The following RBFOX1 variants were observed in gnomAD, a reference collection of about 807,000 sequenced individuals.
The protein encoded by RBFOX1 is RNA binding fox-1 homolog 1.
In RBFOX1, 8 loss-of-function variants were observed where a neutral mutation model predicts 57.7. The observed-to-expected ratio is 0.14, with a 90% CI of 0.08 to 0.25. The LOEUF is 0.25. Among genes scored for constraint, RBFOX1 ranks in the 10% least tolerant of loss-of-function variants. The pLI, the probability that RBFOX1 is intolerant of heterozygous loss-of-function variation, is 1.00. For missense variants in RBFOX1, 611 were observed against 548.5 expected (o/e 1.11, Z -1.14); for synonymous variants, 326 against 222.4 (o/e 1.47, Z -4.15).
intron 4 of RBFOX1, among the ~76,000 whole-genome samples, chr16:7,136,742 T>C (rs1390794034): frequency 6.6e-6 from 1 of 152,172 alleles, no homozygotes; most frequent in Non-Finnish European, 1.5e-5. Context: ...TATCGGATAG[T>C]GCTAGGCCAG....
chr16:5,393,051 A>G (rs1019581952), intron 1 of RBFOX1, among the ~76,000 whole-genome samples: 2 of 152,164 alleles, frequency 1.3e-5, no homozygotes, highest in East Asian at 3.9e-4. Flanking sequence ...ACCTCCGAGC[A>G]TGGGAACCTG....
At chr16:6,482,611 G>A (rs113775147) in intron 2 of RBFOX1, among the ~76,000 whole-genome samples, 1 of 152,158 alleles carries the variant, frequency 6.6e-6, no homozygotes, top group African/African-American at 2.4e-5. Flanking sequence ...CCTAAAAGCA[G>A]GCTGAAACCT....
chr16:7,135,059 G>T (rs1433846612), intron 4 of RBFOX1, among the ~76,000 whole-genome samples: 1 of 151,742 alleles, frequency 6.6e-6, no homozygotes, highest in East Asian at 1.9e-4. Context: ...ACAAAATAAA[G>T]AAGGTTTTAA....
chr16:7,511,837 G>A (rs1203285192), intron 4 of RBFOX1, among the ~76,000 whole-genome samples: 1 of 152,168 alleles, frequency 6.6e-6, no homozygotes, highest in African/African-American at 2.4e-5. Context: ...TTTATTTCAA[G>A]CTTCTAGTCA....
intron 1 of RBFOX1, among the ~76,000 whole-genome samples, chr16:5,427,235 A>C (rs752476821): frequency 4.6e-5 from 7 of 152,226 alleles, no homozygotes; most frequent in Non-Finnish European, 1.0e-4. Context: ...GTGTACATCA[A>C]AAGAGATTTA....
rs28541773 is a variant in RBFOX1 at position 7,668,360 on chromosome 16, G to A, written c.930+3392G>A. ...TTTTCAGAGGAAAGAGGATTGAACA[G>A]AGAGGGACAGATGATCACAGATATC... On this transcript the variant is annotated intron_variant, in intron 13 of 15. Transcript: ENST00000550418. 8.3e-3 allele frequency among the ~76,000 whole-genome samples: 1,263 copies of A among 152,320 alleles called. 21 individuals carry two copies. Among genetic ancestry groups the A allele is most frequent in the African/African-American group, 0.028 (1,184 of 41,572 alleles).
chr16:6,246,700 G>A (rs2097570881), intron 1 of RBFOX1, among the ~76,000 whole-genome samples: 1 of 152,220 alleles, frequency 6.6e-6, no homozygotes, highest in African/African-American at 2.4e-5. Context: ...CTTTGTGTTA[G>A]TATAACTGCG....
At chr16:6,848,803 C>T (rs909447908) in intron 3 of RBFOX1, among the ~76,000 whole-genome samples, 1 of 152,146 alleles carries the variant, frequency 6.6e-6, no homozygotes, top group Non-Finnish European at 1.5e-5. Flanking sequence ...GAAAGTTTCA[C>T]ACTCATGGAG....
At position 6,833,377 on chromosome 16, in the gene RBFOX1, C is replaced by T. The variant is rs531153428; in HGVS notation, c.-16+178727C>T. ...AGACAGGGTTTCACCATGTTGGTTC[C>T]GCTGTTCTCAAACTCCTGACCTCAG... On this transcript the variant is annotated intron_variant, in intron 3 of 15. Transcript: ENST00000550418. Among the ~76,000 whole-genome samples the T allele has an allele frequency of 3.3e-5, 5 of 151,940 alleles. 1 individual carries two copies. The highest frequency in any genetic ancestry group is 4.2e-4 in the South Asian group (2 of 4,804).
At chr16:5,956,408 G>C (rs561037433) in intron 4 of RBFOX1, among the ~76,000 whole-genome samples, 40 of 151,632 alleles carry the variant, frequency 2.6e-4, no homozygotes, top group South Asian at 1.5e-3. Flanking sequence ...GGTCTCTCTG[G>C]AATTTAAATT....
chr16:6,861,656 T>C (rs143607042), intron 3 of RBFOX1, among the ~76,000 whole-genome samples: 280 of 152,196 alleles, frequency 1.8e-3, no homozygotes, highest in African/African-American at 6.5e-3. Context: ...AGACTTGGCA[T>C]GCAACCTCCT....
chr16:5,553,460 C>T (rs996579507), intron 2 of RBFOX1, among the ~76,000 whole-genome samples: 13 of 151,784 alleles, frequency 8.6e-5, no homozygotes, highest in African/African-American at 1.5e-4. Context: ...GGACTACAGG[C>T]GCCCGCCACC....
intron 1 of RBFOX1, among the ~76,000 whole-genome samples, chr16:5,444,874 T>C (rs1166148511): frequency 6.6e-6 from 1 of 152,212 alleles, no homozygotes; most frequent in Non-Finnish European, 1.5e-5. Flanking sequence ...TTTGGTTTAG[T>C]TTACTCTATG....
chr16:5,953,227 T>A (rs1187617043), intron 4 of RBFOX1, among the ~76,000 whole-genome samples: 1 of 152,216 alleles, frequency 6.6e-6, no homozygotes, highest in East Asian at 1.9e-4. Flanking sequence ...ATTTTGCCCC[T>A]CAGATAAGGC....
rs1240430103 is a variant in RBFOX1, at chr16:7,049,194, G to T, written c.-15-2863G>T. Reference sequence around the variant, plus strand: ...TTTGTTGTCCTCCACCCAGAAAGCTGGTGGTTTTTTGTTTGTTTTTAATTT... The same window carrying T: ...TTTGTTGTCCTCCACCCAGAAAGCTTGTGGTTTTTTGTTTGTTTTTAATTT... On this transcript the variant is annotated intron_variant, in intron 3 of 15. Coordinates refer to ENST00000550418, the MANE Select transcript of RBFOX1 (RefSeq NM_018723.4). Among the ~76,000 whole-genome samples the T allele has an allele frequency of 1.3e-5, 2 of 152,130 alleles. 1 individual carries two copies. Among genetic ancestry groups the T allele is most frequent in the Non-Finnish European group, 2.9e-5 (2 of 68,016 alleles).
chr16:5,730,615 C>T (rs2052331009), intron 3 of RBFOX1, among the ~76,000 whole-genome samples: 1 of 152,148 alleles, frequency 6.6e-6, no homozygotes, highest in Non-Finnish European at 1.5e-5. Flanking sequence ...CTGCCGTTGT[C>T]ACCACTGTCA....
chr16:5,938,560 G>T (rs2059214690), intron 4 of RBFOX1, among the ~76,000 whole-genome samples: 1 of 152,150 alleles, frequency 6.6e-6, no homozygotes, highest in African/African-American at 2.4e-5. Context: ...TTTCACTAAG[G>T]TGTGGGGTCT....
At chr16:6,512,512 T>G (rs970205875) in intron 2 of RBFOX1, among the ~76,000 whole-genome samples, 5 of 152,040 alleles carry the variant, frequency 3.3e-5, no homozygotes, top group African/African-American at 9.7e-5. Context: ...AGAAGCCTAA[T>G]GTAGAGGGTC....
intron 4 of RBFOX1, among the ~76,000 whole-genome samples, chr16:7,182,675 A>C (rs1260301805): frequency 6.6e-6 from 1 of 152,182 alleles, no homozygotes; most frequent in East Asian, 1.9e-4. Flanking sequence ...AGCGGCAGGA[A>C]GTACGATGAA....
Sources: gnomAD v4.1 joint callset for allele counts (sites outside exome capture counted in the v4.1 genomes callset) on GRCh38, gnomAD v4.1.1 for gene constraint, MANE v1.5 for transcripts, NCBI Gene and HGNC (gene_info 2026-07-23, HGNC 2026-07-21) for gene names.